The following SHISA9 variants were observed in gnomAD, a reference collection of about 807,000 sequenced individuals.
SHISA9 encodes the protein shisa family member 9, also known as protein shisa-9.
A neutral mutation model predicts 38.0 loss-of-function variants in SHISA9; 13 were observed. The ratio of observed to expected loss-of-function variants is 0.34; its 90% confidence interval spans 0.22 to 0.54. The LOEUF is 0.54. SHISA9 is among the 20% of genes least tolerant of loss of function. The pLI is 0.91. For missense variants in SHISA9, 538 were observed against 575.8 expected, an observed-to-expected ratio of 0.93 and a Z score of 0.67; for synonymous variants, 275 against 242.0, an observed-to-expected ratio of 1.14 and a Z score of -1.27.
At chr16:12,979,171 C>A (rs1375455184) in intron 2 of SHISA9, among the ~76,000 whole-genome samples, 1 of 152,196 alleles carries the variant, frequency 6.6e-6, no homozygotes, top group Non-Finnish European at 1.5e-5. Flanking sequence ...TGGTTTATAG[C>A]CACACCCTCT....
At chr16:13,561,869 G>GA in the SHISA9 span, among the ~76,000 whole-genome samples, 19 of 147,800 alleles carry the variant, frequency 1.3e-4, no homozygotes, top group South Asian at 4.3e-4. Context: ...ATTAGCTTAA[G>GA]AAAAAAAAAA....
At chr16:13,513,229 T>C in the SHISA9 span, among the ~76,000 whole-genome samples, 1 of 151,936 alleles carries the variant, frequency 6.6e-6, no homozygotes, top group Non-Finnish European at 1.5e-5. Context: ...AAAGAAGACA[T>C]TTATGCAGCC....
At chr16:13,411,337 C>G in the SHISA9 span, among the ~76,000 whole-genome samples, 1 of 152,222 alleles carries the variant, frequency 6.6e-6, no homozygotes, top group African/African-American at 2.4e-5. Flanking sequence ...CTGCCACTAT[C>G]CAGGTGTGTG....
chr16:13,148,835 AT>A (rs1371154467), intron 2 of SHISA9, among the ~76,000 whole-genome samples: 4 of 151,844 alleles, frequency 2.6e-5, no homozygotes, highest in African/African-American at 4.8e-5. Context: ...AAAAAAAAAA[AT>A]TTTAAGTCTA....
At chr16:13,353,006 G>A in the SHISA9 span, among the ~76,000 whole-genome samples, 1 of 152,222 alleles carries the variant, frequency 6.6e-6, no homozygotes, top group Non-Finnish European at 1.5e-5. Flanking sequence ...CTTGGGCTCA[G>A]AGGCCTGACA....
chr16:12,973,671 T>C (rs2072116067), intron 2 of SHISA9, among the ~76,000 whole-genome samples: 1 of 152,212 alleles, frequency 6.6e-6, no homozygotes, highest in South Asian at 2.1e-4. Flanking sequence ...CATTGAACTT[T>C]TCCAACCACT....
chr16:12,905,735 G>T (rs948577922), intron 1 of SHISA9, among the ~76,000 whole-genome samples: 3 of 151,978 alleles, frequency 2.0e-5, no homozygotes, highest in Non-Finnish European at 4.4e-5. Flanking sequence ...GGGACTACAG[G>T]CATGCACCAC....
At chr16:13,272,542 T>C in the SHISA9 span, among the ~76,000 whole-genome samples, 1 of 152,170 alleles carries the variant, frequency 6.6e-6, no homozygotes, top group Non-Finnish European at 1.5e-5. Flanking sequence ...ACCTCAGTTC[T>C]TTTGAGTAAA....
chr16:12,955,930 T>G (rs2071827320), intron 2 of SHISA9, among the ~76,000 whole-genome samples: 1 of 152,136 alleles, frequency 6.6e-6, no homozygotes, highest in Admixed American at 6.5e-5. Flanking sequence ...ATTAAAAAGT[T>G]TTTGCAGAGC....
At chr16:13,543,041 C>T in the SHISA9 span, among the ~76,000 whole-genome samples, 2 of 152,170 alleles carry the variant, frequency 1.3e-5, no homozygotes, top group African/African-American at 4.8e-5. Flanking sequence ...TGATTTCCAA[C>T]GTTTTCTCCC....
chr16:13,520,568 A>C, the SHISA9 span, among the ~76,000 whole-genome samples: 10 of 136,848 alleles, frequency 7.3e-5, no homozygotes, highest in Admixed American at 8.3e-4. Flanking sequence ...GCGCCATTGC[A>C]CTCCAGCCTG....
chr16:13,358,874 A>G, the SHISA9 span, among the ~76,000 whole-genome samples: 19 of 152,314 alleles, frequency 1.2e-4, no homozygotes, highest in African/African-American at 4.3e-4. Flanking sequence ...TTTAGGACCA[A>G]ATAGTGTTAG....
chr16:13,022,583 G>A (rs1354590284), intron 2 of SHISA9, among the ~76,000 whole-genome samples: 1 of 151,864 alleles, frequency 6.6e-6, no homozygotes, highest in African/African-American at 2.4e-5. Flanking sequence ...CACCTGTCTC[G>A]GGCCTCCCAG....
the SHISA9 span, among the ~76,000 whole-genome samples, chr16:13,328,701 G>A: frequency 1.8e-4 from 27 of 151,916 alleles, no homozygotes; most frequent in African/African-American, 6.3e-4. Flanking sequence ...TTGTACCCCT[G>A]ACCTCGGGCG....
At chr16:13,127,290 T>TGGAGGGAGAGAGAGAGAGAGAG (rs2050269314) in intron 2 of SHISA9, among the ~76,000 whole-genome samples, 6 of 43,638 alleles carry the variant, frequency 1.4e-4, no homozygotes, top group Admixed American at 2.6e-4. Flanking sequence ...GAGAAAGAGA[T>TGGAGGGAGAGAGAGAGAGAGAG]GGAGGGAGAG....
the SHISA9 span, among the ~76,000 whole-genome samples, chr16:13,327,819 G>T: frequency 0.092 from 13,987 of 151,840 alleles, 863 homozygotes; most frequent in Non-Finnish European, 0.14. Context: ...ACCACGCCTG[G>T]CTAATTTTTG....
At position 13,229,973 on chromosome 16, in the gene SHISA9, G is replaced by A. The variant is rs117819728; in HGVS notation, c.896-5057G>A. ...TATGACTGGTTAGCTCCCCTTCATA[G>A]CACTTACCATAGTTATACATTTATG... On this transcript the variant is annotated intron_variant, in intron 4 of 4. Coordinates refer to ENST00000558583, the MANE Select transcript of SHISA9 (RefSeq NM_001145204.3). Among the ~76,000 whole-genome samples the A allele has an allele frequency of 9.8e-5, 15 of 152,288 alleles. No individual in the cohort carries two copies. In the East Asian group the frequency reaches 1.7e-3, roughly 18 times the overall value.
At chr16:13,465,729 C>T in the SHISA9 span, among the ~76,000 whole-genome samples, 2 of 152,206 alleles carry the variant, frequency 1.3e-5, no homozygotes, top group African/African-American at 4.8e-5. Flanking sequence ...ATCTGTCTGA[C>T]TCCATGGACC....
chr16:13,322,398 C>T, the SHISA9 span, among the ~76,000 whole-genome samples: 1 of 152,198 alleles, frequency 6.6e-6, no homozygotes, highest in East Asian at 1.9e-4. Flanking sequence ...TCTTCTCATC[C>T]TTTCCTCTCT....
Sources: allele counts gnomAD v4.1 joint callset (sites outside exome capture counted in the v4.1 genomes callset), GRCh38; gene constraint gnomAD v4.1.1; transcripts MANE v1.5; gene names NCBI Gene and HGNC (gene_info 2026-07-23, HGNC 2026-07-21).